DOCK3: variants seen among roughly 807,000 people sequenced by gnomAD.
The protein encoded by DOCK3 is dedicator of cytokinesis protein 3.
In DOCK3, 60 loss-of-function variants were observed where a neutral mutation model predicts 265.6. The observed-to-expected ratio is 0.23, with a 90% confidence interval of 0.18 to 0.28. DOCK3 has a LOEUF of 0.28. DOCK3 is among the 10% of genes least tolerant of loss of function. DOCK3 has a pLI of 1.00. For missense variants in DOCK3, 1,981 were observed against 2,594.3 expected (o/e 0.76, Z 5.14); for synonymous variants, 881 against 938.0 (o/e 0.94, Z 1.11).
At chr3:50,783,893 A>T (rs1576423751) in intron 2 of DOCK3, among the ~76,000 whole-genome samples, 3 of 135,190 alleles carry the variant, frequency 2.2e-5, no homozygotes, top group African/African-American at 8.3e-5. Flanking sequence ...TTTGAGATGG[A>T]GTCTCGCTCT....
At chr3:51,187,522 T>C (rs969277942) in intron 12 of DOCK3, among the ~76,000 whole-genome samples, 4 of 152,132 alleles carry the variant, frequency 2.6e-5, no homozygotes, top group African/African-American at 4.8e-5. Context: ...ATGGGTGGTT[T>C]TGAAATGTGA....
chr3:50,872,677 A>G (rs963955734), intron 3 of DOCK3, among the ~76,000 whole-genome samples: 2 of 152,204 alleles, frequency 1.3e-5, no homozygotes, highest in African/African-American at 2.4e-5. Flanking sequence ...TCTAGGAGCC[A>G]GGGACTAGAG....
intron 39 of DOCK3, among the ~76,000 whole-genome samples, chr3:51,349,964 A>G (rs369885174): frequency 1.3e-5 from 2 of 152,210 alleles, no homozygotes; most frequent in Non-Finnish European, 2.9e-5. Flanking sequence ...GTCCGTGTTA[A>G]AAGTGTGCCT....
chr3:51,174,730 G>A (rs6779658), intron 12 of DOCK3, among the ~76,000 whole-genome samples: 138,868 of 152,268 alleles, frequency 0.91, 63,472 homozygotes, highest in African/African-American at 0.96. Flanking sequence ...GTCAGTGCCT[G>A]TGAAAAAGCA....
intron 5 of DOCK3, among the ~76,000 whole-genome samples, chr3:51,038,818 C>A (rs111557360): frequency 0.016 from 2,482 of 151,972 alleles, 50 homozygotes; most frequent in African/African-American, 0.04. Flanking sequence ...TATTCCATAT[C>A]CCATCTCCTG....
intron 7 of DOCK3, among the ~76,000 whole-genome samples, chr3:51,085,964 G>A (rs901564962): frequency 1.2e-4 from 18 of 152,050 alleles, no homozygotes; most frequent in Non-Finnish European, 2.4e-4. Context: ...TTCAGTCAGG[G>A]ATACCCTAAC....
chr3:50,900,246 C>G (rs868451045), intron 4 of DOCK3, among the ~76,000 whole-genome samples: 11 of 151,902 alleles, frequency 7.2e-5, no homozygotes, highest in Admixed American at 6.6e-5. Flanking sequence ...CTCTGATATC[C>G]TTGCTTCCAC....
At chr3:50,778,839 A>G (rs975836407) in intron 2 of DOCK3, 81 bp downstream of exon 2, 5 of 955,036 alleles carry the variant, frequency 5.2e-6, no homozygotes, top group Admixed American at 4.8e-5. Flanking sequence ...TAATAAGATT[A>G]TAAGCAATAA....
intron 9 of DOCK3, among the ~76,000 whole-genome samples, chr3:51,139,085 G>A (rs1576208814): frequency 6.6e-6 from 1 of 152,094 alleles, no homozygotes; most frequent in East Asian, 1.9e-4. Context: ...TCAGTACATA[G>A]CACCAAGGTT....
At chr3:51,306,681 G>T (rs2082707844) in intron 27 of DOCK3, among the ~76,000 whole-genome samples, 1 of 152,174 alleles carries the variant, frequency 6.6e-6, no homozygotes, top group Non-Finnish European at 1.5e-5. Context: ...CAGATCTGCT[G>T]CTGAGCCCCT....
At chr3:50,713,588 C>G (rs1045146245) in intron 1 of DOCK3, among the ~76,000 whole-genome samples, 1 of 151,948 alleles carries the variant, frequency 6.6e-6, no homozygotes, top group African/African-American at 2.4e-5. Flanking sequence ...TTTGATATGT[C>G]TTAGGTATGG....
chr3:51,352,410 C>G (rs1434230507), intron 40 of DOCK3, among the ~76,000 whole-genome samples: 1 of 152,202 alleles, frequency 6.6e-6, no homozygotes, highest in Non-Finnish European at 1.5e-5. Context: ...GCTCATGTCA[C>G]AGGACACATT....
intron 38 of DOCK3, among the ~76,000 whole-genome samples, chr3:51,346,598 T>TA (rs1245191808): frequency 6.6e-6 from 1 of 152,218 alleles, no homozygotes; most frequent in Non-Finnish European, 1.5e-5. Context: ...GCAATAAACA[T>TA]ACGTGTGCAT....
At chr3:50,686,113 A>G (rs1024682532) in intron 1 of DOCK3, among the ~76,000 whole-genome samples, 1 of 151,560 alleles carries the variant, frequency 6.6e-6, no homozygotes, top group Non-Finnish European at 1.5e-5. Flanking sequence ...TAATTATACA[A>G]CTCACCATGA....
chr3:51,334,391 A>G (rs1370071148), intron 35 of DOCK3, among the ~76,000 whole-genome samples: 2 of 152,196 alleles, frequency 1.3e-5, no homozygotes, highest in Non-Finnish European at 2.9e-5. Flanking sequence ...TGAGGGGAGC[A>G]TTTTCAGCTC....
At chr3:50,973,601 G>A (rs1407315408) in intron 5 of DOCK3, among the ~76,000 whole-genome samples, 6 of 147,700 alleles carry the variant, frequency 4.1e-5, no homozygotes, top group South Asian at 4.4e-4. Context: ...ATAAACATAC[G>A]TGTCCATGTG....
intron 14 of DOCK3, among the ~76,000 whole-genome samples, chr3:51,220,394 C>T (rs368989852): frequency 2.6e-5 from 4 of 151,876 alleles, no homozygotes; most frequent in Admixed American, 1.3e-4. Context: ...CGGTGGCTCA[C>T]GTGTGTAATC....
chr3:51,178,294 A>C (rs2087083488), intron 12 of DOCK3, among the ~76,000 whole-genome samples: 1 of 152,168 alleles, frequency 6.6e-6, no homozygotes, highest in African/African-American at 2.4e-5. Flanking sequence ...ATCATCCAAG[A>C]ACACATGATC....
intron 12 of DOCK3, among the ~76,000 whole-genome samples, 158 bp from the exon 13 acceptor site, chr3:51,208,616 A>C (rs756584781): frequency 6.6e-6 from 1 of 152,216 alleles, no homozygotes; most frequent in African/African-American, 2.4e-5. Flanking sequence ...TTTTCTGCTT[A>C]ATAGGAAATG....
Sources: allele counts gnomAD v4.1 joint callset (sites outside exome capture counted in the v4.1 genomes callset), GRCh38; gene constraint gnomAD v4.1.1; transcripts MANE v1.5; gene names NCBI Gene and HGNC (gene_info 2026-07-23, HGNC 2026-07-21).